SEC24D: variants seen among roughly 807,000 people sequenced by gnomAD.
The protein encoded by SEC24D is SEC24 homolog D, COPII component, also known as protein transport protein Sec24D.
A neutral mutation model predicts 116.9 loss-of-function variants in SEC24D; 69 were observed. That is an observed-to-expected ratio of 0.59 (90% CI 0.49 to 0.72). SEC24D has a LOEUF of 0.72. Ranked by LOEUF, SEC24D falls within the 30% of genes least tolerant of loss-of-function variation. SEC24D has a pLI of 0.00. For synonymous variants in SEC24D, 405 were observed against 442.8 expected (o/e 0.91, Z 1.07); for missense variants, 1,131 against 1,264.1 (o/e 0.89, Z 1.60).
chr4:118,776,839 T>C (rs1049914882), intron 8 of SEC24D, among the ~76,000 whole-genome samples: 3 of 152,146 alleles, frequency 2.0e-5, no homozygotes, highest in Admixed American at 2.0e-4. Flanking sequence ...CTACAAATGA[T>C]TAATATATCT....
intron 8 of SEC24D, among the ~76,000 whole-genome samples, chr4:118,771,355 G>T (rs1353705189): frequency 2.0e-5 from 3 of 152,118 alleles, no homozygotes; most frequent in Non-Finnish European, 4.4e-5. Context: ...AAGTGGAAAA[G>T]TGAAAGGATA....
chr4:118,728,292 G>T (rs1184754805), intron 22 of SEC24D, among the ~76,000 whole-genome samples: 1 of 152,100 alleles, frequency 6.6e-6, no homozygotes, highest in Non-Finnish European at 1.5e-5. Flanking sequence ...TCTGTTAATG[G>T]TACCAATTGC....
chr4:118,745,200 G>A (rs902073738), intron 13 of SEC24D, 140 bp from the exon 14 acceptor site: 46 of 584,072 alleles, frequency 7.9e-5, no homozygotes, highest in Middle Eastern at 2.8e-4. Flanking sequence ...AATAACCTTT[G>A]TGTCCTTGGG....
Position 118,830,301 on chromosome 4 carries a change from G to A in SEC24D, c.118+3278C>T, listed in dbSNP as rs931690962. 4.6e-5 allele frequency among the ~76,000 whole-genome samples: 7 copies of A among 152,216 alleles called. No individual in the cohort carries two copies. The East Asian group carries it at 7.7e-4, about 17-fold the overall frequency. On this transcript the variant is annotated intron_variant, in intron 2 of 22. Coordinates refer to ENST00000280551, the MANE Select transcript of SEC24D (RefSeq NM_014822.4). Reference sequence around the variant, plus strand: ...GGTAAGGCCAGGTGCCGAGGCTAACGCCTATAATCTCAGCACTTTGCGAGG... The same window carrying A: ...GGTAAGGCCAGGTGCCGAGGCTAACACCTATAATCTCAGCACTTTGCGAGG...
chr4:118,778,730 A>G (rs925856041), intron 8 of SEC24D, among the ~76,000 whole-genome samples: 4 of 152,148 alleles, frequency 2.6e-5, no homozygotes, highest in Non-Finnish European at 4.4e-5. Context: ...CTTCCTACCC[A>G]TGAGCATGGA....
intron 2 of SEC24D, among the ~76,000 whole-genome samples, chr4:118,826,798 C>T (rs1327458682): frequency 1.3e-5 from 2 of 151,962 alleles, no homozygotes; most frequent in East Asian, 1.9e-4. Flanking sequence ...CTGTGCTCTC[C>T]CTTTTGTTTG....
At chr4:118,731,955 A>C (rs1725708252) in intron 20 of SEC24D, among the ~76,000 whole-genome samples, 1 of 151,798 alleles carries the variant, frequency 6.6e-6, no homozygotes, top group Non-Finnish European at 1.5e-5. Context: ...GCAAGGGCCC[A>C]AATGGAGTGT....
chr4:118,743,920 C>A (rs1726359525), intron 15 of SEC24D, 68 bp downstream of exon 15: 1 of 1,403,770 alleles, frequency 7.1e-7, no homozygotes, highest in Non-Finnish European at 9.6e-7. Flanking sequence ...GCTTTTTAAA[C>A]CTATAATCTA....
chr4:118,787,735 G>A (rs558376839), intron 8 of SEC24D, among the ~76,000 whole-genome samples: 2 of 152,304 alleles, frequency 1.3e-5, no homozygotes, highest in Non-Finnish European at 2.9e-5. Context: ...TTGAGCCTGG[G>A]AGGTGAAGGT....
chr4:118,727,039 A>G (rs1474583074), intron 22 of SEC24D, among the ~76,000 whole-genome samples: 1 of 152,212 alleles, frequency 6.6e-6, no homozygotes, highest in African/African-American at 2.4e-5. Flanking sequence ...AGCAGCTAGT[A>G]CAAGCCCTGT....
intron 8 of SEC24D, among the ~76,000 whole-genome samples, chr4:118,793,093 G>GGAACTTAAGATCA (rs1327535319): frequency 6.6e-6 from 1 of 152,040 alleles, no homozygotes; most frequent in South Asian, 2.1e-4. Context: ...AAATAATAAA[G>GGAACTTAAGATCA]GGAACTTAAA....
At chr4:118,731,211 T>C in intron 21 of SEC24D, 105 bp downstream of exon 21, 2 of 868,294 alleles carry the variant, frequency 2.3e-6, no homozygotes, top group Non-Finnish European at 3.7e-6. Flanking sequence ...CAGAAATATA[T>C]GCCTTATTAT....
intron 22 of SEC24D, among the ~76,000 whole-genome samples, chr4:118,728,131 A>G (rs182392187): frequency 6.6e-6 from 1 of 152,330 alleles, no homozygotes; most frequent in East Asian, 1.9e-4. Flanking sequence ...TCAAACTCAG[A>G]AAAGGCTAGA....
rs568674791 is a variant in SEC24D, at chr4:118,816,148, CA to C, written c.398-423del. Among the ~76,000 whole-genome samples, 564 of 139,144 alleles carry C rather than the reference CA, an allele frequency of 4.1e-3. 4 individuals are homozygous for C. The highest frequency in any genetic ancestry group is 0.014 in the African/African-American group (524 of 37,248). 91.3% of individuals were successfully genotyped at this position (139,144 alleles called of 152,430 possible). A position where few individuals can be genotyped will look rare whatever the true frequency, so the allele number is the denominator to read the frequency against. On this transcript the variant is annotated intron_variant, in intron 4 of 22. Coordinates refer to ENST00000280551, the MANE Select transcript of SEC24D (RefSeq NM_014822.4). The stretch of plus-strand genomic sequence containing the variant: ...CTCGTGATATTGCTCAGGCTGGTCT[CA>C]AACTCCTGGGCTCAAGCAATACTTC...
At chr4:118,829,678 GGC>G (rs1291199065) in intron 2 of SEC24D, among the ~76,000 whole-genome samples, 1 of 152,146 alleles carries the variant, frequency 6.6e-6, no homozygotes, top group Non-Finnish European at 1.5e-5. Context: ...CGGGTGTGGT[GGC>G]GCATGCCTGT....
chr4:118,824,745 C>G lies in SEC24D; in HGVS notation c.123G>C (p.Met41Ile). 1 of 1,586,148 alleles carries G rather than the reference C, an allele frequency of 6.3e-7. No homozygotes were observed. Among genetic ancestry groups the G allele is most frequent in the Non-Finnish European group, 8.5e-7 (1 of 1,170,450 alleles). The part of the protein sequence containing the change: ...DPSHTASPTG[M>I]MKPAGPLGAT... The stretch of plus-strand genomic sequence containing the variant: ...CCCCCAAAGGCCCTGCTGGCTTCAT[C>G]ATACCTGCAAGAGAGGGGCATGAAT... Residue 41 changes from methionine to isoleucine, a missense_variant, in exon 3 of 23, where the codon ATG becomes ATC. Transcript: ENST00000280551.
intron 19 of SEC24D, among the ~76,000 whole-genome samples, chr4:118,735,506 G>A (rs544825792): frequency 6.6e-6 from 1 of 151,922 alleles, no homozygotes; most frequent in Admixed American, 6.6e-5. Flanking sequence ...GTGGTAATGA[G>A]GTTTTTTTTG....
At position 118,723,660 on chromosome 4, in the gene SEC24D, G is replaced by GA. The variant is rs140990828; in HGVS notation, c.2959-6dup. The GA allele has an allele frequency of 0.062, 77,391 of 1,248,412 alleles. 585 individuals carry two copies. Among genetic ancestry groups the GA allele is most frequent in the Middle Eastern group, 0.11 (550 of 4,980 alleles). The allele number at this position is 1,248,412 out of a possible 1,614,324, so 77.3% of individuals were successfully genotyped here. On this transcript the variant is annotated splice_polypyrimidine_tract_variant and splice_region_variant and intron_variant, in intron 22 of 22. Transcript: ENST00000280551. ...TCGCTGCTTTACAATTGTGAGCTAG[G>GA]AAAAAAAAAACAAAACAGTAACAGC...
Position 118,744,954 on chromosome 4 carries a change from T to A in SEC24D, c.1814A>T (p.Asp605Val). The A allele has an allele frequency of 6.3e-7, 1 of 1,584,856 alleles. No homozygotes were observed. Among genetic ancestry groups the A allele is most frequent in the Non-Finnish European group, 8.7e-7 (1 of 1,154,596 alleles). Residue 605 changes from aspartate (D) to valine (V), a missense_variant, in exon 14 of 23, where the codon GAC becomes GTC. Coordinates refer to ENST00000280551, the MANE Select transcript of SEC24D (RefSeq NM_014822.4). Reference sequence around the variant, plus strand: ...AGAGTTACAAAGTACCTTCTCTTTGTCTGTATTAACCAGTTTTTTGTCATC... The same window carrying A: ...AGAGTTACAAAGTACCTTCTCTTTGACTGTATTAACCAGTTTTTTGTCATC... ...NRDDKKLVNTDKEKILFQPQT... is the reference protein window; with the variant it reads ...NRDDKKLVNTVKEKILFQPQT...
Sources: allele counts gnomAD v4.1 joint callset (sites outside exome capture counted in the v4.1 genomes callset), GRCh38; gene constraint gnomAD v4.1.1; transcripts MANE v1.5; gene names NCBI Gene and HGNC (gene_info 2026-07-23, HGNC 2026-07-21).